Variants in KMT5C observed in about 807,000 individuals in gnomAD.
KMT5C encodes the protein lysine methyltransferase 5C, also known as histone-lysine N-methyltransferase KMT5C.
Under a neutral mutation model 38.2 loss-of-function variants are expected in KMT5C, and 16 were observed. The ratio of observed to expected loss-of-function variants is 0.42; its 90% confidence interval spans 0.28 to 0.64. The LOEUF (loss-of-function observed/expected upper bound fraction) is 0.64. KMT5C is among the 30% of genes least tolerant of loss of function. The pLI is 0.23. For missense variants in KMT5C, 598 were observed against 665.1 expected, an observed-to-expected ratio of 0.90 and a Z score of 1.11; for synonymous variants, 291 against 279.0, an observed-to-expected ratio of 1.04 and a Z score of -0.43.
rs1254628443 is a variant in KMT5C at position 55,343,397 on chromosome 19, G to A, written c.387-283G>A. 2 of 484,170 alleles carry A rather than the reference G, an allele frequency of 4.1e-6. No homozygotes were observed. The highest frequency in any genetic ancestry group is 1.9e-5 in the African/African-American group (1 of 51,696). 30.0% of individuals were successfully genotyped at this position (484,170 alleles called of 1,614,324 possible). On this transcript the variant is annotated intron_variant, in intron 4 of 8. Transcript: ENST00000255613. This position sits in a 1 kb window ranked among gnomAD's most constrained non-coding sequence, Gnocchi z 5.5. ...AGGCAGGAGGGATTTGGGGGCAGGA[G>A]GTGCTATGAGAGCGAGGGGAGAGAA... is the stretch of plus-strand genomic sequence containing the variant.
In KMT5C at chr19:55,341,897, T is replaced by C. The variant is rs754490445; in HGVS notation, c.-40T>C. The C allele has an allele frequency of 5.8e-6, 9 of 1,548,570 alleles. No homozygotes were observed. Among genetic ancestry groups the C allele is most frequent in the African/African-American group, 2.7e-5 (2 of 73,796 alleles). ...CCGCGCCTGCCTTGCCCTCACCTGC[T>C]CCTGCTCTCTGCCAGAGGCAGCATG... On this transcript the variant is annotated 5_prime_UTR_variant, in exon 2 of 9. Coordinates refer to ENST00000255613, the MANE Select transcript of KMT5C (RefSeq NM_032701.4).
intron 3 of KMT5C, 106 bp downstream of exon 3, chr19:55,342,486 G>C: frequency 1.1e-6 from 1 of 924,360 alleles, no homozygotes; most frequent in Non-Finnish European, 1.6e-6. Flanking sequence ...AGCCCCTGGG[G>C]CCCCCTGACT....
rs61755327 is a variant in KMT5C at position 55,343,746 on chromosome 19, G to C, written c.453G>C (p.Gly151=). ...CIAELREADE[G]LLRAGENDFS... is the part of the protein sequence containing the mutation. ...CAGAGCTGCGGGAGGCAGATGAGGG[G>C]CTGCTGAGGGCCGGTGAGAATGACT... The change falls in exon 5 of 9, where the codon GGG becomes GGC. Residue 151 remains glycine, a synonymous_variant. Coordinates refer to ENST00000255613, the MANE Select transcript of KMT5C (RefSeq NM_032701.4). The surrounding 1 kb of genome is among the most constrained non-coding windows in gnomAD (Gnocchi z 5.5). The C allele has an allele frequency of 4.1e-4, 648 of 1,594,462 alleles. 4 individuals carry two copies. In the East Asian group the frequency reaches 0.014, roughly 34 times the overall value.
In KMT5C at chr19:55,347,009, C is replaced by A. The variant is rs764092517; in HGVS notation, c.949C>A (p.Pro317Thr). 4.4e-6 allele frequency: 6 copies of A among 1,365,288 alleles called. No individual in the cohort carries two copies. Among genetic ancestry groups the A allele is most frequent in the Non-Finnish European group, 6.2e-6 (6 of 968,768 alleles). 84.6% of individuals were successfully genotyped at this position (1,365,288 alleles called of 1,614,324 possible). The change falls in exon 9 of 9, where the codon CCC becomes ACC. Residue 317 changes from proline (P) to threonine (T), a missense_variant. Pro to Thr is a conservative substitution (Grantham distance 38). Coordinates refer to ENST00000255613, the MANE Select transcript of KMT5C (RefSeq NM_032701.4). This position sits in a 1 kb window ranked among gnomAD's most constrained non-coding sequence, Gnocchi z 4.6. The stretch of plus-strand genomic sequence containing the variant: ...CTGCAGCGCCCGCCCAGACACCTCA[C>A]CCCTCTGGCTCCAGTGGCTGCCTCA... ...PACSARPDTSPLWLQWLPQPQ... is the reference protein window; with the variant it reads ...PACSARPDTSTLWLQWLPQPQ...
chr19:55,343,892 G>T lies in KMT5C; in HGVS notation c.550+49G>T, dbSNP rs765232637. On this transcript the variant is annotated intron_variant, in intron 5 of 8. Transcript: ENST00000255613. The surrounding 1 kb of genome is among the most constrained non-coding windows in gnomAD (Gnocchi z 5.5). ...GCAGGACGGGATAGAGCCAGGCAGG[G>T]CTGGAGGGGTGTAGTGGGAGGGTTC... 80 of 1,608,018 alleles carry T rather than the reference G, an allele frequency of 5.0e-5. 1 individual carries two copies. The highest frequency in any genetic ancestry group is 1.7e-6 in the Non-Finnish European group (2 of 1,175,194).
chr19:55,344,835 T>C (rs1456512489), intron 6 of KMT5C: 4 of 496,062 alleles, frequency 8.1e-6, no homozygotes, highest in African/African-American at 7.8e-5. Flanking sequence ...CAGACCTCGA[T>C]GGGGCACCCC....
Position 55,347,194 on chromosome 19 carries a change from GC to G in KMT5C, c.1141del (p.His381ThrfsTer47). ...RGEALVALGQ[P>X]PHARWAPQQD... ...GAGAGGCCCTGGTGGCCCTGGGCCA[GC>G]CCCCCCACGCCCGCTGGGCCCCTCA... On this transcript the variant is annotated frameshift_variant, in exon 9 of 9. Coordinates refer to ENST00000255613, the MANE Select transcript of KMT5C (RefSeq NM_032701.4). LOFTEE classifies it high-confidence loss of function. The surrounding 1 kb of genome is among the most constrained non-coding windows in gnomAD (Gnocchi z 4.6). 17 of 1,537,694 alleles carry G rather than the reference GC, an allele frequency of 1.1e-5. No individual in the cohort carries two copies. The highest frequency in any genetic ancestry group is 1.2e-5 in the South Asian group (1 of 84,012).
rs1029121037 is a variant in KMT5C, at chr19:55,343,388, G to A, written c.387-292G>A. The stretch of plus-strand genomic sequence containing the variant: ...GGGTAGTCCAGGCAGGAGGGATTTG[G>A]GGGCAGGAGGTGCTATGAGAGCGAG... On this transcript the variant is annotated intron_variant, in intron 4 of 8. Coordinates refer to ENST00000255613, the MANE Select transcript of KMT5C (RefSeq NM_032701.4). This position sits in a 1 kb window ranked among gnomAD's most constrained non-coding sequence, Gnocchi z 5.5. 6.4e-6 allele frequency: 3 copies of A among 466,456 alleles called. No individual in the cohort carries two copies. The highest frequency in any genetic ancestry group is 5.8e-5 in the African/African-American group (3 of 51,292). The allele number at this position is 466,456 out of a possible 1,614,324, so 28.9% of individuals were successfully genotyped here.
In KMT5C at chr19:55,347,504, C is replaced by T. The variant is rs1387855571; in HGVS notation, c.*55C>T. The T allele has an allele frequency of 4.0e-6, 6 of 1,485,808 alleles. No individual in the cohort carries two copies. The highest frequency in any genetic ancestry group is 1.4e-5 in the African/African-American group (1 of 70,976). The allele number at this position is 1,485,808 out of a possible 1,614,324, so 92.0% of individuals were successfully genotyped here. On this transcript the variant is annotated 3_prime_UTR_variant, in exon 9 of 9. Transcript: ENST00000255613. The surrounding 1 kb of genome is among the most constrained non-coding windows in gnomAD (Gnocchi z 4.6). ...AGAGGGTCTCTCTCCTAGCTGCTACCCAGGACCTCCAGAAGGAGCCCTTGG... is the reference window on the plus strand; with the variant it reads ...AGAGGGTCTCTCTCCTAGCTGCTACTCAGGACCTCCAGAAGGAGCCCTTGG...
intron 3 of KMT5C, 166 bp downstream of exon 3, chr19:55,342,546 G>A (rs2089571654): frequency 3.1e-6 from 2 of 647,356 alleles, no homozygotes; most frequent in Non-Finnish European, 5.3e-6. Flanking sequence ...TCCTAGGAGA[G>A]GAGAGTTGGG....
intron 6 of KMT5C, chr19:55,346,004 A>G (rs2089612406): frequency 1.7e-6 from 1 of 605,460 alleles, no homozygotes; most frequent in Non-Finnish European, 2.9e-6. Flanking sequence ...GAGGGGTGGA[A>G]ACCAGCCAGT....
rs760552620 is a variant in KMT5C, at chr19:55,342,226, C to T, written c.122C>T (p.Pro41Leu). The change falls in exon 3 of 9, where the codon CCC becomes CTC. Residue 41 changes from proline to leucine, a missense_variant. Physicochemically the swap from Pro to Leu is moderately conservative, Grantham distance 98 (BLOSUM62 -3). This residue lies in a region of KMT5C where 167 missense variants were observed against 187.8 expected (regional missense o/e 0.89). Transcript: ENST00000255613. ...THKMNVSPVP[P>L]LRRQQHLRSA... Reference sequence around the variant, plus strand: ...GCCCTCTCCCCCAGCCCTGTGCCCCCCCTGCGGCGACAGCAGCACCTGCGC... The same window carrying T: ...GCCCTCTCCCCCAGCCCTGTGCCCCTCCTGCGGCGACAGCAGCACCTGCGC... 5 of 1,609,974 alleles carry T rather than the reference C, an allele frequency of 3.1e-6. No individual in the cohort carries two copies. In the South Asian group the frequency reaches 3.3e-5, roughly 11 times the overall value.
At chr19:55,345,143 A>G (rs751571226) in intron 6 of KMT5C, 5 of 447,622 alleles carry the variant, frequency 1.1e-5, no homozygotes, top group South Asian at 6.3e-5. Flanking sequence ...CCAGCTCTCC[A>G]GCGATCTAGA....
intron 6 of KMT5C, 80 bp from the exon 7 acceptor site, chr19:55,346,132 AG>A (rs1285895453): frequency 6.4e-7 from 1 of 1,554,756 alleles, no homozygotes. Context: ...GCTCCGGGCC[AG>A]GGTGCCCGGC....
Position 55,343,440 on chromosome 19 carries a change from G to C in KMT5C, c.387-240G>C. 1.7e-6 allele frequency: 1 copy of C among 573,064 alleles called. No individual in the cohort carries two copies. Among genetic ancestry groups the C allele is most frequent in the Non-Finnish European group, 3.1e-6 (1 of 319,920 alleles). 35.5% of individuals were successfully genotyped at this position (573,064 alleles called of 1,614,324 possible). A position where few individuals can be genotyped will look rare whatever the true frequency, so the allele number is the denominator to read the frequency against. On this transcript the variant is annotated intron_variant, in intron 4 of 8. Coordinates refer to ENST00000255613, the MANE Select transcript of KMT5C (RefSeq NM_032701.4). The surrounding 1 kb of genome is among the most constrained non-coding windows in gnomAD (Gnocchi z 5.5). ...GGAGAGAATGGGGGCTGTATCTGCT[G>C]TGTGCGTGCTGCCCTGAAGGCTTTC...
At chr19:55,342,190 GACC>G in intron 2 of KMT5C, 22 bp from the exon 3 acceptor site, 1 of 1,605,502 alleles carries the variant, frequency 6.2e-7, no homozygotes, top group Non-Finnish European at 8.5e-7. Context: ...AAGGCCCTGG[GACC>G]CAGGCATGCC....
chr19:55,346,855 C>A (rs1289050771), intron 8 of KMT5C, 101 bp from the exon 9 acceptor site: 53 of 777,210 alleles, frequency 6.8e-5, no homozygotes, highest in Non-Finnish European at 1.0e-4. Context: ...CTGGGGAGCG[C>A]AGGGCAGGGC....
At position 55,342,350 on chromosome 19, in the gene KMT5C, C is replaced by G; in HGVS notation, c.246C>G (p.Gly82=). The part of the protein sequence containing the change: ...GWTARYFQSR[G]PRQEAALKTH... ...CGGCCCGCTACTTCCAGAGCCGGGGCCCGCGGCAGGAGGCTGCCCTCAAGA... is the reference window on the plus strand; with the variant it reads ...CGGCCCGCTACTTCCAGAGCCGGGGGCCGCGGCAGGAGGCTGCCCTCAAGA... Residue 82 remains glycine, a synonymous_variant, in exon 3 of 9, where the codon GGC becomes GGG. Coordinates refer to ENST00000255613, the MANE Select transcript of KMT5C (RefSeq NM_032701.4). 1 of 1,545,496 alleles carries G rather than the reference C, an allele frequency of 6.5e-7. No individual in the cohort carries two copies. The highest frequency in any genetic ancestry group is 8.7e-7 in the Non-Finnish European group (1 of 1,146,204).
chr19:55,344,827 G>C (rs774047737), intron 6 of KMT5C: 16 of 503,200 alleles, frequency 3.2e-5, no homozygotes, highest in Non-Finnish European at 4.9e-5. Context: ...CTGGAGCACA[G>C]ACCTCGATGG....
Sources: allele counts gnomAD v4.1 joint callset, GRCh38; gene constraint gnomAD v4.1.1; regional missense constraint gnomAD v4.1.1; non-coding constraint Gnocchi (gnomAD v3.1); transcripts MANE v1.5; gene names NCBI Gene and HGNC (gene_info 2026-07-23, HGNC 2026-07-21).